Variants in CLSTN2 observed in about 807,000 individuals in gnomAD.
The protein encoded by CLSTN2 is calsyntenin-2.
Under a neutral mutation model 101.2 loss-of-function variants are expected in CLSTN2, and 48 were observed. That is an observed-to-expected ratio of 0.47 (90% CI 0.38 to 0.60). The LOEUF is 0.60. Among genes scored for constraint, CLSTN2 ranks in the 20% least tolerant of loss-of-function variants. CLSTN2 has a pLI of 0.00. For missense variants in CLSTN2, 1,160 were observed against 1,238.2 expected, an observed-to-expected ratio of 0.94 and a Z score of 0.95; for synonymous variants, 481 against 463.6, an observed-to-expected ratio of 1.04 and a Z score of -0.48.
intron 1 of CLSTN2, among the ~76,000 whole-genome samples, chr3:140,102,126 T>A (rs926785881): frequency 6.6e-6 from 1 of 152,220 alleles, no homozygotes; most frequent in Non-Finnish European, 1.5e-5. Context: ...GGTTGCTGGC[T>A]GGCAAATGGG....
intron 2 of CLSTN2, among the ~76,000 whole-genome samples, chr3:140,248,548 T>C (rs556370639): frequency 1.2e-4 from 18 of 152,222 alleles, no homozygotes; most frequent in Non-Finnish European, 2.5e-4. Context: ...AATGTGCACC[T>C]AGGAAGACAA....
At chr3:140,373,838 T>A (rs2087886035) in intron 2 of CLSTN2, among the ~76,000 whole-genome samples, 1 of 152,044 alleles carries the variant, frequency 6.6e-6, no homozygotes, top group Non-Finnish European at 1.5e-5. Flanking sequence ...AGACAGGGAG[T>A]TCTCCACCAG....
At chr3:140,180,087 T>C (rs1034141592) in intron 2 of CLSTN2, among the ~76,000 whole-genome samples, 1 of 152,218 alleles carries the variant, frequency 6.6e-6, no homozygotes. Flanking sequence ...CTGTTTGTTG[T>C]TTTGATGAAA....
chr3:140,109,355 A>G (rs1183622776), intron 1 of CLSTN2, among the ~76,000 whole-genome samples: 2 of 152,146 alleles, frequency 1.3e-5, no homozygotes, highest in African/African-American at 4.8e-5. Context: ...GTGTCTCTGC[A>G]TAGCTCCCTG....
intron 2 of CLSTN2, among the ~76,000 whole-genome samples, chr3:140,322,876 A>AC (rs1053409688): frequency 6.6e-6 from 1 of 152,148 alleles, no homozygotes; most frequent in Non-Finnish European, 1.5e-5. Flanking sequence ...GAAGTTTCTC[A>AC]CCCCCAGAAA....
At chr3:140,481,123 A>G (rs553642901) in intron 8 of CLSTN2, among the ~76,000 whole-genome samples, 71 of 152,316 alleles carry the variant, frequency 4.7e-4, no homozygotes, top group African/African-American at 1.7e-3. Flanking sequence ...TAATTTTTGT[A>G]TAAGGTGTAA....
intron 2 of CLSTN2, among the ~76,000 whole-genome samples, chr3:140,176,765 G>A (rs1165304635): frequency 6.6e-6 from 1 of 152,238 alleles, no homozygotes; most frequent in African/African-American, 2.4e-5. Flanking sequence ...GGAGGGATTA[G>A]ACAAAGGATT....
intron 1 of CLSTN2, among the ~76,000 whole-genome samples, chr3:140,056,552 G>A (rs1055752702): frequency 6.6e-6 from 1 of 152,150 alleles, no homozygotes; most frequent in Non-Finnish European, 1.5e-5. Context: ...GAACACGTGG[G>A]TTAGGTTAAT....
chr3:140,347,278 G>T (rs1345953260), intron 2 of CLSTN2, among the ~76,000 whole-genome samples: 1 of 152,186 alleles, frequency 6.6e-6, no homozygotes, highest in Non-Finnish European at 1.5e-5. Flanking sequence ...ACAGAGGTTA[G>T]GTCATTTCCA....
intron 1 of CLSTN2, among the ~76,000 whole-genome samples, chr3:139,964,164 A>G (rs1176092730): frequency 6.6e-6 from 1 of 152,224 alleles, no homozygotes; most frequent in African/African-American, 2.4e-5. Context: ...ACATAGTGCT[A>G]TAGAGCACTG....
intron 2 of CLSTN2, among the ~76,000 whole-genome samples, chr3:140,235,578 T>G (rs1396264325): frequency 6.6e-6 from 1 of 152,236 alleles, no homozygotes; most frequent in Admixed American, 6.5e-5. Context: ...TGGTTTGCTA[T>G]GACTGATAGA....
chr3:140,111,251 A>T (rs762587006), intron 1 of CLSTN2, among the ~76,000 whole-genome samples: 11 of 151,918 alleles, frequency 7.2e-5, no homozygotes, highest in Non-Finnish European at 1.0e-4. Context: ...CCATGCCTCC[A>T]TTCTTCTTTC....
At chr3:140,109,153 A>T (rs2009111157) in intron 1 of CLSTN2, among the ~76,000 whole-genome samples, 1 of 152,176 alleles carries the variant, frequency 6.6e-6, no homozygotes, top group Admixed American at 6.5e-5. Context: ...CATGTTACAC[A>T]TGGAAACGTC....
At chr3:140,234,600 G>T (rs560698564) in intron 2 of CLSTN2, among the ~76,000 whole-genome samples, 2 of 152,260 alleles carry the variant, frequency 1.3e-5, no homozygotes, top group East Asian at 3.9e-4. Context: ...ATTTGCCTGT[G>T]TGCTGGTACC....
At chr3:140,223,509 C>A (rs2086293101) in intron 2 of CLSTN2, among the ~76,000 whole-genome samples, 1 of 152,120 alleles carries the variant, frequency 6.6e-6, no homozygotes, top group African/African-American at 2.4e-5. Flanking sequence ...GATGCACTTC[C>A]AGTTTCCGAA....
At chr3:140,365,735 C>A (rs1438135548) in intron 2 of CLSTN2, among the ~76,000 whole-genome samples, 1 of 92,550 alleles carries the variant, frequency 1.1e-5, no homozygotes, top group Non-Finnish European at 2.5e-5. Context: ...CTCACCGAGG[C>A]CTACACATGT....
chr3:140,043,231 T>C (rs2007797848), intron 1 of CLSTN2, among the ~76,000 whole-genome samples: 1 of 152,166 alleles, frequency 6.6e-6, no homozygotes, highest in African/African-American at 2.4e-5. Context: ...TGGTGTGAGA[T>C]GGTATCTCAT....
At chr3:140,174,231 C>A (rs117831032) in intron 1 of CLSTN2, among the ~76,000 whole-genome samples, 1 of 152,126 alleles carries the variant, frequency 6.6e-6, no homozygotes, top group Admixed American at 6.5e-5. Flanking sequence ...AGGGCAGGGG[C>A]AAAATGCTGC....
chr3:140,481,285 T>C (rs1934110964), intron 8 of CLSTN2, among the ~76,000 whole-genome samples: 1 of 152,238 alleles, frequency 6.6e-6, no homozygotes, highest in African/African-American at 2.4e-5. Flanking sequence ...CTGAGGGCTC[T>C]GTTCTGCTCC....
Sources: allele counts gnomAD v4.1 joint callset (sites outside exome capture counted in the v4.1 genomes callset), GRCh38; gene constraint gnomAD v4.1.1; transcripts MANE v1.5; gene names NCBI Gene and HGNC (gene_info 2026-07-23, HGNC 2026-07-21).